GLG1: variants seen among roughly 807,000 people sequenced by gnomAD.
GLG1 encodes golgi glycoprotein 1.
In GLG1, 38 loss-of-function variants were observed where a neutral mutation model predicts 160.5. The observed-to-expected ratio is 0.24, with a 90% CI of 0.18 to 0.31. The LOEUF (loss-of-function observed/expected upper bound fraction) is 0.31, where lower values mean the gene tolerates loss of function less well. GLG1 is among the 10% of genes least tolerant of loss of function. GLG1 has a pLI of 1.00. For synonymous variants in GLG1, 644 were observed against 543.4 expected (o/e 1.19, Z -2.57); for missense variants, 1,373 against 1,505.2 (o/e 0.91, Z 1.45).
At chr16:74,482,724 C>G (rs2015648109) in intron 10 of GLG1, among the ~76,000 whole-genome samples, 1 of 152,188 alleles carries the variant, frequency 6.6e-6, no homozygotes. Flanking sequence ...TTGCCACCCC[C>G]ACAGGTGCCA....
chr16:74,604,968 G>GCCT (rs1360551198), intron 1 of GLG1, among the ~76,000 whole-genome samples: 2 of 152,140 alleles, frequency 1.3e-5, no homozygotes, highest in African/African-American at 4.8e-5. Flanking sequence ...ATTGCTTAAA[G>GCCT]CCGGGAGGTG....
At chr16:74,517,413 G>A (rs866836918) in intron 2 of GLG1, among the ~76,000 whole-genome samples, 35 of 152,100 alleles carry the variant, frequency 2.3e-4, no homozygotes, top group Admixed American at 1.8e-3. Flanking sequence ...ATCAATAAAC[G>A]TAATCCATCA....
chr16:74,595,523 C>T (rs943982439), intron 1 of GLG1, among the ~76,000 whole-genome samples: 1 of 152,196 alleles, frequency 6.6e-6, no homozygotes, highest in East Asian at 1.9e-4. Flanking sequence ...GGCGACAGAG[C>T]AAGACTCCGT....
chr16:74,574,109 T>C (rs551198268), intron 1 of GLG1, among the ~76,000 whole-genome samples: 18 of 152,318 alleles, frequency 1.2e-4, no homozygotes, highest in East Asian at 3.9e-4. Context: ...TAATACAAAG[T>C]AGCTCAGCCT....
At chr16:74,566,524 G>T (rs905933677) in intron 1 of GLG1, among the ~76,000 whole-genome samples, 1 of 152,044 alleles carries the variant, frequency 6.6e-6, no homozygotes. Flanking sequence ...TTTTTCCAAT[G>T]TTGTTTAGAT....
chr16:74,496,551 G>A lies in GLG1; in HGVS notation c.868C>T (p.Leu290Phe). The change falls in exon 5 of 26, where the codon CTC becomes TTC. Residue 290 changes from leucine to phenylalanine, a missense_variant. Leu to Phe is a conservative substitution (Grantham distance 22). Around this residue, in one of 4 missense-constraint regions of GLG1, gnomAD observed 174 missense variants for 229.9 expected, o/e 0.76. Transcript: ENST00000422840. ...EREPKIQVSE[L>F]CKKAILRVAE... ...ACCCGGAGAATGGCTTTCTTGCAGA[G>A]TTCAGAAACTTGAATCTTGGGTTCT... 1 of 1,613,340 alleles carries A rather than the reference G, an allele frequency of 6.2e-7. No homozygotes were observed.
chr16:74,523,999 G>C (rs1285731234), intron 2 of GLG1, among the ~76,000 whole-genome samples: 2 of 152,102 alleles, frequency 1.3e-5, no homozygotes, highest in Non-Finnish European at 2.9e-5. Flanking sequence ...CATCACCTGA[G>C]GTCAGGAGTT....
chr16:74,460,932 G>A (rs979928610), intron 22 of GLG1, among the ~76,000 whole-genome samples: 9 of 152,192 alleles, frequency 5.9e-5, no homozygotes, highest in Non-Finnish European at 1.0e-4. Flanking sequence ...GTGTGCACAC[G>A]CGCGTACCCG....
At chr16:74,506,311 G>T (rs2016600133) in intron 3 of GLG1, among the ~76,000 whole-genome samples, 1 of 151,680 alleles carries the variant, frequency 6.6e-6, no homozygotes, top group South Asian at 2.1e-4. Context: ...AGGAGCGGTG[G>T]CTCACACCTG....
intron 1 of GLG1, among the ~76,000 whole-genome samples, chr16:74,605,921 TGATTATAAATTATCAATGTCACTC>T (rs1203276787): frequency 3.3e-5 from 5 of 152,142 alleles, no homozygotes; most frequent in Non-Finnish European, 7.3e-5. Flanking sequence ...CAATGTCACT[TGATTATAAATTATCAATGTCACTC>T]AACTGAATCA....
Position 74,606,649 on chromosome 16 carries a change from C to T in GLG1, c.438+8G>A. 1.2e-5 allele frequency: 19 copies of T among 1,548,376 alleles called. No individual in the cohort carries two copies. Among genetic ancestry groups the T allele is most frequent in the Non-Finnish European group, 1.6e-5 (18 of 1,143,918 alleles). On this transcript the variant is annotated splice_region_variant and intron_variant, in intron 1 of 25. Transcript: ENST00000422840. Reference sequence around the variant, plus strand: ...CCTGGCCCTCCCGGCTTCGTCCCACCTCCTCACCTCCCTCACATCCTGCAG... The same window carrying T: ...CCTGGCCCTCCCGGCTTCGTCCCACTTCCTCACCTCCCTCACATCCTGCAG...
chr16:74,455,992 C>G (rs1382664014), intron 25 of GLG1, among the ~76,000 whole-genome samples: 1 of 152,186 alleles, frequency 6.6e-6, no homozygotes, highest in Admixed American at 6.5e-5. Context: ...CCCAAGTCTA[C>G]CTGGGTATCA....
chr16:74,544,012 G>C (rs1308018517), intron 1 of GLG1, among the ~76,000 whole-genome samples: 1 of 152,190 alleles, frequency 6.6e-6, no homozygotes, highest in African/African-American at 2.4e-5. Flanking sequence ...TATTGTTATA[G>C]AAATGGCTTG....
intron 9 of GLG1, among the ~76,000 whole-genome samples, chr16:74,483,923 T>C (rs1017713525): frequency 1.3e-5 from 2 of 152,186 alleles, no homozygotes; most frequent in Non-Finnish European, 2.9e-5. Context: ...CCTCCCAAAG[T>C]GCTGGGATTA....
chr16:74,456,547 C>T (rs2014548534), intron 25 of GLG1, 102 bp downstream of exon 25: 4 of 753,482 alleles, frequency 5.3e-6, no homozygotes, highest in African/African-American at 1.8e-5. Context: ...ACAGCCACAG[C>T]GAGGAGAGTG....
chr16:74,527,552 G>A (rs1012190853), intron 2 of GLG1, among the ~76,000 whole-genome samples: 5 of 151,802 alleles, frequency 3.3e-5, no homozygotes, highest in African/African-American at 1.2e-4. Context: ...GCCTGGCCAA[G>A]TCAGTTATCT....
chr16:74,580,905 T>C (rs1322114691), intron 1 of GLG1, among the ~76,000 whole-genome samples: 4 of 152,204 alleles, frequency 2.6e-5, no homozygotes, highest in Non-Finnish European at 4.4e-5. Flanking sequence ...ACTCCATCTC[T>C]ACTAAAAATA....
intron 13 of GLG1, chr16:74,472,884 C>T (rs971947012): frequency 8.6e-6 from 2 of 232,870 alleles, no homozygotes; most frequent in Admixed American, 5.3e-5. Flanking sequence ...ACCCGTGCAA[C>T]ACTAGCTCCT....
intron 1 of GLG1, among the ~76,000 whole-genome samples, chr16:74,591,129 G>A (rs920089516): frequency 6.6e-6 from 1 of 151,980 alleles, no homozygotes; most frequent in South Asian, 2.1e-4. Flanking sequence ...TCAGGAGTTT[G>A]AGACCAGCCT....
Sources: allele counts gnomAD v4.1 joint callset (sites outside exome capture counted in the v4.1 genomes callset), GRCh38; gene constraint gnomAD v4.1.1; regional missense constraint gnomAD v4.1.1; transcripts MANE v1.5; gene names NCBI Gene and HGNC (gene_info 2026-07-23, HGNC 2026-07-21).